EPYC: variants seen among roughly 807,000 people sequenced by gnomAD.
EPYC encodes the protein epiphycan.
A neutral mutation model predicts 30.1 loss-of-function variants in EPYC; 28 were observed. That is an observed-to-expected ratio of 0.93 (90% CI 0.69 to 1.28). EPYC has a LOEUF of 1.28. Ranked by LOEUF, EPYC falls within the 50% of genes most tolerant of loss-of-function variation. The pLI is 0.00. For synonymous variants in EPYC, 144 were observed against 141.4 expected (o/e 1.02, Z -0.13); for missense variants, 382 against 383.5 (o/e 1.00, Z 0.03).
chr12:90,981,934 C>CTGTT (rs1227359748), intron 2 of EPYC, among the ~76,000 whole-genome samples: 2 of 151,868 alleles, frequency 1.3e-5, no homozygotes, highest in Non-Finnish European at 2.9e-5. Context: ...GAAAAAAATG[C>CTGTT]TGTTAAGAAA....
intron 3 of EPYC, among the ~76,000 whole-genome samples, chr12:90,977,802 C>T (rs970394785): frequency 6.6e-6 from 1 of 152,126 alleles, no homozygotes; most frequent in Non-Finnish European, 1.5e-5. Flanking sequence ...TCATCAATTA[C>T]TCTCTGTTCT....
intron 3 of EPYC, among the ~76,000 whole-genome samples, chr12:90,974,038 TCACACACACACACA>T (rs560408641): frequency 2.1e-5 from 3 of 140,476 alleles, no homozygotes; most frequent in South Asian, 4.5e-4. Flanking sequence ...TTACACACAC[TCACACACACACACA>T]CACACACACA....
intron 5 of EPYC, among the ~76,000 whole-genome samples, chr12:90,970,811 T>G (rs1351167230): frequency 6.6e-6 from 1 of 152,230 alleles, no homozygotes; most frequent in East Asian, 1.9e-4. Context: ...CCAGTGGTTA[T>G]GAGGCCACAC....
chr12:90,991,849 T>C (rs12311026), intron 2 of EPYC, among the ~76,000 whole-genome samples: 14,469 of 152,120 alleles, frequency 0.095, 1,489 homozygotes, highest in African/African-American at 0.26. Flanking sequence ...GAGAAGTGAC[T>C]TGTGATGCAG....
chr12:90,992,959 G>C (rs1877619838), intron 2 of EPYC, among the ~76,000 whole-genome samples: 1 of 151,916 alleles, frequency 6.6e-6, no homozygotes, highest in African/African-American at 2.4e-5. Flanking sequence ...ACTTTTGGTG[G>C]GGCATTTCTC....
rs914225122 is a variant in EPYC, at chr12:90,969,434, C to A, written c.798+610G>T. ...ACATAGGTGAAAATAAAATATTATT[C>A]ATTCATTAAACTAATCAAACTGAAT... On this transcript the variant is annotated intron_variant, in intron 6 of 6. Coordinates refer to ENST00000261172, the MANE Select transcript of EPYC (RefSeq NM_004950.5). 2.6e-5 allele frequency among the ~76,000 whole-genome samples: 4 copies of A among 151,442 alleles called. No homozygotes were observed. The East Asian group carries it at 5.8e-4, about 22-fold the overall frequency.
At chr12:91,003,985 A>T (rs1478554057) in intron 1 of EPYC, among the ~76,000 whole-genome samples, 13 of 152,074 alleles carry the variant, frequency 8.5e-5, no homozygotes. Context: ...TTCACACAGG[A>T]TAAACTAAGC....
intron 2 of EPYC, among the ~76,000 whole-genome samples, chr12:90,986,584 T>C (rs1877453193): frequency 6.6e-6 from 1 of 152,074 alleles, no homozygotes; most frequent in Non-Finnish European, 1.5e-5. Flanking sequence ...CCCTATTTAA[T>C]AACCATATAA....
intron 2 of EPYC, among the ~76,000 whole-genome samples, chr12:90,999,357 T>C (rs943330674): frequency 2.0e-5 from 3 of 152,230 alleles, no homozygotes; most frequent in East Asian, 3.9e-4. Context: ...TTATAACTTA[T>C]AAGAAACTGG....
chr12:91,003,059 C>A (rs1877868804), intron 1 of EPYC, among the ~76,000 whole-genome samples: 3 of 151,956 alleles, frequency 2.0e-5, no homozygotes, highest in Admixed American at 2.0e-4. Flanking sequence ...CAAATAATTC[C>A]AATTTCAGTG....
In EPYC at chr12:91,002,427, C is replaced by A; in HGVS notation, c.139G>T (p.Glu47Ter). 1 of 1,612,768 alleles carries A rather than the reference C, an allele frequency of 6.2e-7. No individual in the cohort carries two copies. Among genetic ancestry groups the A allele is most frequent in the Non-Finnish European group, 8.5e-7 (1 of 1,179,410 alleles). The change falls in exon 2 of 7, where the codon GAA becomes TAA. Residue 47 changes from glutamate to a stop codon, truncating the protein, a stop_gained. Coordinates refer to ENST00000261172, the MANE Select transcript of EPYC (RefSeq NM_004950.5). LOFTEE classifies it high-confidence loss of function. ...TCAACTTTATCAACAGGTATGTTTT[C>A]ATAGTTGTACAAATTATCCAGGTCT... Reference protein sequence around the residue: ...LEDLDNLYNYENIPVDKVEIE... With the variant: ...LEDLDNLYNY
chr12:90,992,834 G>T (rs1054476042), intron 2 of EPYC, among the ~76,000 whole-genome samples: 5 of 152,144 alleles, frequency 3.3e-5, no homozygotes, highest in African/African-American at 1.2e-4. Context: ...TCTGGAGTGG[G>T]ATCTGAGTAT....
At chr12:90,989,175 T>C (rs1320766115) in intron 2 of EPYC, among the ~76,000 whole-genome samples, 1 of 152,126 alleles carries the variant, frequency 6.6e-6, no homozygotes, top group African/African-American at 2.4e-5. Context: ...TAGGTTGATT[T>C]ATCTAGTACA....
At chr12:91,003,814 A>G (rs1045926667) in intron 1 of EPYC, among the ~76,000 whole-genome samples, 2 of 152,120 alleles carry the variant, frequency 1.3e-5, no homozygotes. Context: ...TATTACTTTT[A>G]AACTTGAATG....
At chr12:91,000,217 G>C (rs765410532) in intron 2 of EPYC, among the ~76,000 whole-genome samples, 4 of 151,946 alleles carry the variant, frequency 2.6e-5, no homozygotes, top group Admixed American at 2.0e-4. Flanking sequence ...TTCTAAGTTT[G>C]GTTTGAAGTA....
At chr12:90,969,938 C>T (rs1876994725) in intron 6 of EPYC, 106 bp downstream of exon 6, 2 of 747,262 alleles carry the variant, frequency 2.7e-6, no homozygotes, top group Admixed American at 4.3e-5. Flanking sequence ...GAAAAGTTAT[C>T]ACAGTGTGTC....
At chr12:90,982,422 A>G (rs2120835552) in intron 2 of EPYC, among the ~76,000 whole-genome samples, 1 of 152,086 alleles carries the variant, frequency 6.6e-6, no homozygotes, top group Non-Finnish European at 1.5e-5. Context: ...AAACTCTACA[A>G]CCATTAACAG....
At chr12:90,979,523 A>C (rs1243331903) in intron 2 of EPYC, among the ~76,000 whole-genome samples, 3 of 152,192 alleles carry the variant, frequency 2.0e-5, no homozygotes, top group African/African-American at 7.2e-5. Flanking sequence ...CTTATGATTT[A>C]ATATCACTTA....
At chr12:90,972,631 G>A (rs1260495020) in intron 4 of EPYC, 191 bp downstream of exon 4, 2 of 515,006 alleles carry the variant, frequency 3.9e-6, no homozygotes, top group African/African-American at 3.8e-5. Flanking sequence ...GTTTTGAAAT[G>A]ACCATTGCTT....
Sources: gnomAD v4.1 joint callset for allele counts (sites outside exome capture counted in the v4.1 genomes callset) on GRCh38, gnomAD v4.1.1 for gene constraint, MANE v1.5 for transcripts, NCBI Gene and HGNC (gene_info 2026-07-23, HGNC 2026-07-21) for gene names.